The following NGLY1 variants were observed in gnomAD, a reference collection of about 807,000 sequenced individuals.
NGLY1 encodes the protein N-glycanase 1, also known as peptide-N(4)-(N-acetyl-beta-glucosaminyl)asparagine amidase.
NGLY1 carries 68 observed loss-of-function variants against 84.6 expected under a neutral mutation model. The observed-to-expected ratio is 0.80, with a 90% CI of 0.66 to 0.98. The LOEUF is 0.98. Ranked by LOEUF, NGLY1 falls within the 50% of genes least tolerant of loss-of-function variation. The probability of loss-of-function intolerance (pLI) is 0.00; values close to 1 mark genes in which losing one functional copy is unlikely to be tolerated. For missense variants in NGLY1, 779 were observed against 770.2 expected, an observed-to-expected ratio of 1.01 and a Z score of -0.14; for synonymous variants, 280 against 275.2, an observed-to-expected ratio of 1.02 and a Z score of -0.17.
intron 2 of NGLY1, among the ~76,000 whole-genome samples, chr3:25,771,358 G>C (rs758084639): frequency 1.2e-4 from 19 of 152,044 alleles, no homozygotes; most frequent in Non-Finnish European, 1.8e-4. Context: ...TAAGTATTTG[G>C]CTTTAATTTC....
chr3:25,734,689 G>T, intron 7 of NGLY1: 1 of 688,090 alleles, frequency 1.5e-6, no homozygotes, highest in Non-Finnish European at 1.8e-6. Flanking sequence ...TCCAGCCTGG[G>T]CAAGAGGGTG....
At position 25,749,956 on chromosome 3, in the gene NGLY1, A is replaced by G. The variant is rs1575633583; in HGVS notation, c.658+1142T>C. ...CTGTAAAAACTGCCAAAAAAAAAAA[A>G]AAAAGAAGGAAATTCTGCAATATGT... On this transcript the variant is annotated intron_variant, in intron 4 of 11. Transcript: ENST00000280700. 9.5e-6 allele frequency: 6 copies of G among 632,422 alleles called. 1 individual carries two copies. Among genetic ancestry groups the G allele is most frequent in the Non-Finnish European group, 1.6e-5 (6 of 364,110 alleles). The allele number at this position is 632,422 out of a possible 1,614,324, so 39.2% of individuals were successfully genotyped here.
At chr3:25,726,335 C>T (rs1705260998) in intron 10 of NGLY1, among the ~76,000 whole-genome samples, 1 of 152,150 alleles carries the variant, frequency 6.6e-6, no homozygotes. Flanking sequence ...AAGACAAGGT[C>T]TCTCCCTAAG....
At chr3:25,783,503 CCGGCAGGGGCGGGG>C, upstream of NGLY1, 1 of 1,125,620 alleles carries the variant, frequency 8.9e-7, no homozygotes, top group Non-Finnish European at 1.1e-6. This position sits in a 1 kb window ranked among gnomAD's most constrained non-coding sequence, Gnocchi z 4.5. Flanking sequence ...GGGTCCTCGG[CCGGCAGGGGCGGGG>C]TCCTCGGCCG....
chr3:25,740,365 AC>A (rs1376838602), intron 4 of NGLY1, among the ~76,000 whole-genome samples: 1 of 152,058 alleles, frequency 6.6e-6, no homozygotes, highest in Non-Finnish European at 1.5e-5. Context: ...ATATATAACA[AC>A]CCTAGTAAGT....
chr3:25,729,399 T>G, intron 9 of NGLY1, 81 bp from the exon 10 acceptor site: 1 of 861,520 alleles, frequency 1.2e-6, no homozygotes, highest in Non-Finnish European at 1.6e-6. Flanking sequence ...AGCAGAGTGG[T>G]AAGAGAATCC....
At chr3:25,783,866 G>C (rs1042214093), upstream of NGLY1, among the ~76,000 whole-genome samples, 1 of 152,134 alleles carries the variant, frequency 6.6e-6, no homozygotes, top group Non-Finnish European at 1.5e-5. This position sits in a 1 kb window ranked among gnomAD's most constrained non-coding sequence, Gnocchi z 4.5. Flanking sequence ...CCTTTAGGAC[G>C]GAGGAGCTCG....
At chr3:25,761,486 C>G (rs1707322439) in intron 3 of NGLY1, among the ~76,000 whole-genome samples, 1 of 152,108 alleles carries the variant, frequency 6.6e-6, no homozygotes, top group Non-Finnish European at 1.5e-5. Context: ...AGTCATCAGG[C>G]AAATGCAAAT....
chr3:25,736,406 G>A (rs776062878), intron 6 of NGLY1: 235 of 1,541,688 alleles, frequency 1.5e-4, no homozygotes, highest in Non-Finnish European at 2.0e-4. Context: ...TAACTCTTAA[G>A]AAGGTAGACA....
chr3:25,762,853 C>T (rs774646034), intron 3 of NGLY1, among the ~76,000 whole-genome samples: 1 of 152,094 alleles, frequency 6.6e-6, no homozygotes, highest in African/African-American at 2.4e-5. Context: ...ACTCGGGAGG[C>T]GCAGGCTATA....
Position 25,783,331 on chromosome 3 carries a change from G to T in NGLY1, c.60C>A (p.Leu20=), listed in dbSNP as rs775492350. 2 of 1,593,886 alleles carry T rather than the reference G, an allele frequency of 1.3e-6. No homozygotes were observed. ...SGSASPAVAE[L]CQNTPETFLE... is the part of the protein sequence containing the mutation. ...AAAAGGTCTCCGGGGTGTTCTGGCA[G>T]AGCTCAGCCACGGCCGGGGACGCCG... Residue 20 remains leucine (L), a synonymous_variant, in exon 1 of 12, where the codon CTC becomes CTA. Coordinates refer to ENST00000280700, the MANE Select transcript of NGLY1 (RefSeq NM_018297.4). The surrounding 1 kb of genome is among the most constrained non-coding windows in gnomAD (Gnocchi z 4.5).
chr3:25,727,371 T>G (rs1365228808), intron 10 of NGLY1, among the ~76,000 whole-genome samples: 1 of 152,190 alleles, frequency 6.6e-6, no homozygotes, highest in Non-Finnish European at 1.5e-5. Flanking sequence ...TTTCTCACAC[T>G]ATAGCCCCTC....
At position 25,776,072 on chromosome 3, in the gene NGLY1, A is replaced by G. The variant is rs147348781; in HGVS notation, c.246+2502T>C. On this transcript the variant is annotated intron_variant, in intron 2 of 11. Transcript: ENST00000280700. ...AGGTGTGATGTCTAAAGCCGAACAGAAACTTTAAGTATAAATTAGTCATAT... is the reference window on the plus strand; with the variant it reads ...AGGTGTGATGTCTAAAGCCGAACAGGAACTTTAAGTATAAATTAGTCATAT... Among the ~76,000 whole-genome samples the G allele has an allele frequency of 2.0e-5, 3 of 152,374 alleles. No individual in the cohort carries two copies. The East Asian group carries it at 5.8e-4, about 29-fold the overall frequency.
At chr3:25,780,015 G>A (rs968151608) in intron 1 of NGLY1, among the ~76,000 whole-genome samples, 6 of 152,028 alleles carry the variant, frequency 3.9e-5, no homozygotes, top group African/African-American at 9.7e-5. Context: ...TTGAATGTTC[G>A]GTATACAGCA....
At chr3:25,749,355 T>C (rs1559543061) in intron 4 of NGLY1, 1 of 577,136 alleles carries the variant, frequency 1.7e-6, no homozygotes, top group Non-Finnish European at 3.1e-6. Context: ...CAAGTATCCA[T>C]GAATAAATGA....
At chr3:25,755,530 C>T in intron 3 of NGLY1, 10 of 1,423,072 alleles carry the variant, frequency 7.0e-6, no homozygotes, top group African/African-American at 1.4e-5. Context: ...GCAATAACTG[C>T]AGTTCAAAAT....
intron 8 of NGLY1, among the ~76,000 whole-genome samples, chr3:25,732,959 C>T (rs1705616492): frequency 6.6e-6 from 1 of 152,206 alleles, no homozygotes; most frequent in Non-Finnish European, 1.5e-5. Context: ...CATACTGCAC[C>T]TCTTTTCCCT....
rs41285079 is a variant in NGLY1 at position 25,790,022 on chromosome 3, A to G, written c.-157T>C. 0.011 allele frequency: 10,033 copies of G among 895,758 alleles called. 85 individuals are homozygous for G. The highest frequency in any genetic ancestry group is 0.015 in the Non-Finnish European group (8,300 of 562,278). The allele number at this position is 895,758 out of a possible 1,614,324, so 55.5% of individuals were successfully genotyped here. On this transcript the variant is annotated 5_prime_UTR_variant, in exon 1 of 12. Coordinates refer to the NGLY1 transcript ENST00000417874. Reference sequence around the variant, plus strand: ...ACCGGCGGAAAGAGAGTCGAACGGGACGCGTGCGTGGGAAAGCGCATGAGC... The same window carrying G: ...ACCGGCGGAAAGAGAGTCGAACGGGGCGCGTGCGTGGGAAAGCGCATGAGC...
At chr3:25,780,986 CT>C (rs1708388767) in intron 1 of NGLY1, among the ~76,000 whole-genome samples, 1 of 147,300 alleles carries the variant, frequency 6.8e-6, no homozygotes, top group African/African-American at 2.5e-5. Context: ...TTTTTTTTTT[CT>C]TTTTTGAGAA....
Sources: gnomAD v4.1 joint callset for allele counts (sites outside exome capture counted in the v4.1 genomes callset) on GRCh38, gnomAD v4.1.1 for gene constraint, Gnocchi (gnomAD v3.1) non-coding constraint, MANE v1.5 for transcripts, NCBI Gene and HGNC (gene_info 2026-07-23, HGNC 2026-07-21) for gene names.